MGAM2: variants seen among roughly 807,000 people sequenced by gnomAD.
MGAM2 encodes the protein probable maltase-glucoamylase 2.
In MGAM2, 98 loss-of-function variants were observed where a neutral mutation model predicts 96.1. The ratio of observed to expected loss-of-function variants is 1.02; its 90% CI spans 0.87 to 1.21. The LOEUF (loss-of-function observed/expected upper bound fraction) is 1.21, where lower values mean the gene tolerates loss of function less well. Among genes scored for constraint, MGAM2 ranks in the 50% most tolerant of loss-of-function variants. The pLI is 0.00. For missense variants in MGAM2, 2,055 were observed against 1,182.4 expected (o/e 1.74, Z -10.82); for synonymous variants, 749 against 414.8 (o/e 1.81, Z -9.79).
At chr7:142,162,317 G>A (rs1199588366) in intron 23 of MGAM2, among the ~76,000 whole-genome samples, 3 of 152,082 alleles carry the variant, frequency 2.0e-5, no homozygotes, top group Non-Finnish European at 2.9e-5. Context: ...TATGAGGTGT[G>A]AGTGGGTTAG....
At chr7:142,144,344 T>TG (rs1202945538) in intron 13 of MGAM2, among the ~76,000 whole-genome samples, 3 of 152,240 alleles carry the variant, frequency 2.0e-5, no homozygotes, top group African/African-American at 7.2e-5. Flanking sequence ...GGAAGCACTC[T>TG]GATGAATAAG....
At chr7:142,153,872 TA>T (rs1795655947) in intron 15 of MGAM2, 145 bp from the exon 16 acceptor site, 1 of 447,720 alleles carries the variant, frequency 2.2e-6, no homozygotes, top group Admixed American at 3.4e-5. Flanking sequence ...AGCTCTTAGA[TA>T]GTACTAAGTT....
At position 142,185,153 on chromosome 7, in the gene MGAM2, T is replaced by C. The variant is rs1175401201; in HGVS notation, c.3987+14T>C. On this transcript the variant is annotated intron_variant, in intron 34 of 47. Coordinates refer to ENST00000477922, the MANE Select transcript of MGAM2 (RefSeq NM_001293626.2). ...ACTCAGGTTAAGGTACAGTTGTATA[T>C]AGATTTTTGTCAACATTGCCCTAAA... 2 of 702,194 alleles carry C rather than the reference T, an allele frequency of 2.8e-6. No individual in the cohort carries two copies. The highest frequency in any genetic ancestry group is 5.4e-5 in the East Asian group (2 of 37,272). 43.5% of individuals were successfully genotyped at this position (702,194 alleles called of 1,614,324 possible).
chr7:142,152,523 C>T (rs1795610944), intron 15 of MGAM2, among the ~76,000 whole-genome samples: 1 of 152,140 alleles, frequency 6.6e-6, no homozygotes, highest in Admixed American at 6.5e-5. Flanking sequence ...CATTATAAGC[C>T]ATTCAGTATT....
rs1270056773 is a variant in MGAM2 at position 142,114,216 on chromosome 7, GAGAAAGAA to G, written c.-1+2419_-1+2426del. ...AAAGAAAGAAAGAAAGAAAGAAAGAGAGAAAGAAAGAAAGAAATAGGAGACTACAAAGA... is the reference window on the plus strand; with the variant it reads ...AAAGAAAGAAAGAAAGAAAGAAAGAGAGAAAGAAATAGGAGACTACAAAGA... On this transcript the variant is annotated intron_variant, in intron 1 of 47. Transcript: ENST00000477922. 1.8e-3 allele frequency among the ~76,000 whole-genome samples: 124 copies of G among 68,058 alleles called. 12 individuals carry two copies. The highest frequency in any genetic ancestry group is 3.7e-3 in the South Asian group (6 of 1,614). The allele number at this position is 68,058 out of a possible 152,430, so 44.6% of individuals were successfully genotyped here.
chr7:142,197,365 G>A (rs577732423), intron 40 of MGAM2, 35 bp from the exon 41 acceptor site: 1 of 698,964 alleles, frequency 1.4e-6, no homozygotes, highest in East Asian at 2.7e-5. Context: ...GAATGAAGAA[G>A]AGGTGATCCA....
chr7:142,118,126 C>T lies in MGAM2; in HGVS notation c.106+1147C>T, dbSNP rs144461909. On this transcript the variant is annotated intron_variant, in intron 2 of 47. Coordinates refer to ENST00000477922, the MANE Select transcript of MGAM2 (RefSeq NM_001293626.2). The stretch of plus-strand genomic sequence containing the variant: ...TCAGATTTCTGGAACTTATTCATCT[C>T]GCATAACTGAAATGTTATACTGGGG... 5.1e-3 allele frequency among the ~76,000 whole-genome samples: 767 copies of T among 150,484 alleles called. 15 individuals carry two copies. Among genetic ancestry groups the T allele is most frequent in the African/African-American group, 0.018 (728 of 40,916 alleles).
At chr7:142,202,485 T>C (rs1447690972) in intron 45 of MGAM2, among the ~76,000 whole-genome samples, 1 of 152,140 alleles carries the variant, frequency 6.6e-6, no homozygotes, top group Non-Finnish European at 1.5e-5. Context: ...CCCCATCTAA[T>C]AGCCTGCAGT....
intron 31 of MGAM2, among the ~76,000 whole-genome samples, chr7:142,174,488 T>C (rs1796299671): frequency 6.6e-6 from 1 of 152,066 alleles, no homozygotes; most frequent in Non-Finnish European, 1.5e-5. Flanking sequence ...TGGTGGTGCA[T>C]AGAAATGCTA....
chr7:142,221,403 A>C lies in MGAM2; in HGVS notation c.6892A>C (p.Thr2298Pro), dbSNP rs1398357229. The stretch of plus-strand genomic sequence containing the variant: ...GACTACTTATTACCAGACTTCTCCT[A>C]CCATTCCTACCCATACTCTTACTTC... The part of the protein sequence containing the change: ...GMTTYYQTSP[T>P]IPTHTLTSIP... Residue 2298 changes from threonine (T) to proline (P), a missense_variant, in exon 48 of 48, where the codon ACC becomes CCC. Physicochemically the swap from Thr to Pro is conservative, Grantham distance 38. Transcript: ENST00000477922. 4 of 603,848 alleles carry C rather than the reference A, an allele frequency of 6.6e-6. No homozygotes were observed. The highest frequency in any genetic ancestry group is 5.6e-5 in the African/African-American group (3 of 53,898). 37.4% of individuals were successfully genotyped at this position (603,848 alleles called of 1,614,324 possible).
At chr7:142,185,966 G>T in intron 34 of MGAM2, 23 bp from the exon 35 acceptor site, 1 of 702,210 alleles carries the variant, frequency 1.4e-6, no homozygotes, top group Non-Finnish European at 2.6e-6. Flanking sequence ...CCCCGACAAT[G>T]AGAGTGTGTG....
intron 45 of MGAM2, among the ~76,000 whole-genome samples, chr7:142,203,369 C>A (rs1452418261): frequency 1.3e-5 from 2 of 152,004 alleles, no homozygotes; most frequent in African/African-American, 4.8e-5. Flanking sequence ...GTTGAGAAAT[C>A]AGACAAGACA....
At chr7:142,179,863 T>C (rs1796487158) in intron 32 of MGAM2, among the ~76,000 whole-genome samples, 1 of 152,114 alleles carries the variant, frequency 6.6e-6, no homozygotes, top group Non-Finnish European at 1.5e-5. Flanking sequence ...ATCAGGATGA[T>C]GTTGGCTTTG....
At chr7:142,123,598 T>C (rs1794647864) in intron 3 of MGAM2, among the ~76,000 whole-genome samples, 1 of 152,154 alleles carries the variant, frequency 6.6e-6, no homozygotes, top group African/African-American at 2.4e-5. Flanking sequence ...TGGAATGTCT[T>C]TTTAACTTTT....
chr7:142,176,876 T>C (rs1357858082), intron 32 of MGAM2, among the ~76,000 whole-genome samples: 1 of 152,186 alleles, frequency 6.6e-6, no homozygotes, highest in African/African-American at 2.4e-5. Context: ...AATGCATTCT[T>C]TTTCTTCTCA....
chr7:142,147,397 G>T (rs1465354951), intron 14 of MGAM2, 59 bp from the exon 15 acceptor site: 26 of 656,126 alleles, frequency 4.0e-5, no homozygotes, highest in Non-Finnish European at 7.2e-5. Flanking sequence ...TAGTTGGGCC[G>T]CTAATTTGTT....
chr7:142,188,041 C>T (rs947043696), intron 36 of MGAM2, among the ~76,000 whole-genome samples: 2 of 150,888 alleles, frequency 1.3e-5, no homozygotes, highest in Non-Finnish European at 2.9e-5. Context: ...AGAAACCAAA[C>T]GATGCATGGT....
Position 142,140,956 on chromosome 7 carries a change from T to A in MGAM2, c.1218+23T>A, listed in dbSNP as rs981258701. ...ATGGTATGTTCAAACACTTGTTACC[T>A]TATTTTTTCCTTTGTAGTGCAAAAA... On this transcript the variant is annotated intron_variant, in intron 11 of 47. Transcript: ENST00000477922. 4.3e-6 allele frequency: 3 copies of A among 697,390 alleles called. No individual in the cohort carries two copies. The East Asian group carries it at 8.1e-5, about 19-fold the overall frequency. The allele number at this position is 697,390 out of a possible 1,614,324, so 43.2% of individuals were successfully genotyped here.
intron 3 of MGAM2, 58 bp from the exon 4 acceptor site, chr7:142,130,886 TAGAC>T (rs1386789580): frequency 3.1e-5 from 21 of 673,620 alleles, no homozygotes; most frequent in Middle Eastern, 3.2e-4. Context: ...TATAAATAAA[TAGAC>T]AGATAATACT....
Sources: gnomAD v4.1 joint callset for allele counts (sites outside exome capture counted in the v4.1 genomes callset) on GRCh38, gnomAD v4.1.1 for gene constraint, MANE v1.5 for transcripts, NCBI Gene and HGNC (gene_info 2026-07-23, HGNC 2026-07-21) for gene names.